Variants in VSTM4 observed in about 807,000 individuals in gnomAD.
The protein encoded by VSTM4 is V-set and transmembrane domain-containing protein 4.
Under a neutral mutation model 36.4 loss-of-function variants are expected in VSTM4, and 20 were observed. The ratio of observed to expected loss-of-function variants is 0.55; its 90% confidence interval spans 0.39 to 0.80. VSTM4 has a LOEUF of 0.80. Among genes scored for constraint, VSTM4 ranks in the 30% least tolerant of loss-of-function variants. The probability of loss-of-function intolerance (pLI) is 0.00; values close to 1 mark genes in which losing one functional copy is unlikely to be tolerated. For synonymous variants in VSTM4, 182 were observed against 173.9 expected, an observed-to-expected ratio of 1.05 and a Z score of -0.37; for missense variants, 392 against 404.5, an observed-to-expected ratio of 0.97 and a Z score of 0.26.
At chr10:49,115,150 C>A (rs1008110838) in intron 1 of VSTM4, among the ~76,000 whole-genome samples, 1 of 152,162 alleles carries the variant, frequency 6.6e-6, no homozygotes, top group South Asian at 2.1e-4. Context: ...CGGGGCCTGC[C>A]GCTGGGAAGA....
chr10:49,045,437 T>A (rs1009640532), intron 7 of VSTM4, among the ~76,000 whole-genome samples: 1 of 152,204 alleles, frequency 6.6e-6, no homozygotes, highest in Non-Finnish European at 1.5e-5. Flanking sequence ...TCACCCTTAG[T>A]GCACCATAGT....
intron 5 of VSTM4, among the ~76,000 whole-genome samples, chr10:49,053,154 C>T (rs1455834748): frequency 1.4e-4 from 22 of 152,174 alleles, no homozygotes. Flanking sequence ...GAAAACAGGC[C>T]CGCCCGGAAA....
chr10:49,020,802 A>G (rs1042418434), intron 7 of VSTM4, among the ~76,000 whole-genome samples: 3 of 151,864 alleles, frequency 2.0e-5, no homozygotes, highest in Non-Finnish European at 4.4e-5. Flanking sequence ...AGAGGGAGGA[A>G]GAGAGGATAT....
chr10:49,087,657 C>G (rs1341457034), intron 2 of VSTM4, among the ~76,000 whole-genome samples: 2 of 152,088 alleles, frequency 1.3e-5, no homozygotes, highest in African/African-American at 4.8e-5. Context: ...ACCACAACCT[C>G]CCAATTTTTA....
intron 2 of VSTM4, among the ~76,000 whole-genome samples, chr10:49,098,631 C>A (rs1844614785): frequency 6.6e-6 from 1 of 152,226 alleles, no homozygotes; most frequent in Non-Finnish European, 1.5e-5. Context: ...AAAGCCCTGG[C>A]ATGAGCTGCA....
chr10:49,067,316 T>C (rs986483645), intron 4 of VSTM4, among the ~76,000 whole-genome samples: 25 of 152,256 alleles, frequency 1.6e-4, no homozygotes, highest in Non-Finnish European at 3.7e-4. Context: ...GTCATTACTT[T>C]TATCTTACAG....
In VSTM4 at chr10:49,015,529, A is replaced by G. The variant is rs1843092171; in HGVS notation, c.*4121T>C. 1 of 152,306 alleles carries G rather than the reference A, an allele frequency of 6.6e-6. No homozygotes were observed. The highest frequency in any genetic ancestry group is 1.5e-5 in the Non-Finnish European group (1 of 68,138). 9.4% of individuals were successfully genotyped at this position (152,306 alleles called of 1,614,324 possible). A position where few individuals can be genotyped will look rare whatever the true frequency, so the allele number is the denominator to read the frequency against. On this transcript the variant is annotated 3_prime_UTR_variant, in exon 8 of 8. Transcript: ENST00000332853. ...GGACACCCCACAGCCACTCCAGCCC[A>G]GCATGGCCATGCTGAATGCAGACCC... is the stretch of plus-strand genomic sequence containing the variant.
Position 49,019,722 on chromosome 10 carries a change from G to T in VSTM4, c.891C>A (p.Pro297=). 3 of 1,614,038 alleles carry T rather than the reference G, an allele frequency of 1.9e-6. No homozygotes were observed. The highest frequency in any genetic ancestry group is 2.5e-6 in the Non-Finnish European group (3 of 1,179,966). The change falls in exon 8 of 8, where the codon CCC becomes CCA. Residue 297 remains proline, a synonymous_variant. Coordinates refer to ENST00000332853, the MANE Select transcript of VSTM4 (RefSeq NM_001031746.5). ...TGGGGGCGCCTTTGGCAGCCCGGTG[G>T]GGTTTGATCAGCTCCAGTTCGGCAT... The part of the protein sequence containing the change: ...LTYAELELIK[P]HRAAKGAPTS...
At chr10:49,082,428 C>A (rs1320885479) in intron 3 of VSTM4, among the ~76,000 whole-genome samples, 3 of 152,164 alleles carry the variant, frequency 2.0e-5, no homozygotes, top group Non-Finnish European at 2.9e-5. Flanking sequence ...CTGTGGGAGG[C>A]CGAGGCAGAC....
chr10:49,101,379 G>A (rs185067746), intron 2 of VSTM4, among the ~76,000 whole-genome samples: 75 of 152,078 alleles, frequency 4.9e-4, no homozygotes, highest in South Asian at 2.7e-3. Flanking sequence ...ACACACACAC[G>A]TACACATATA....
At chr10:49,020,320 T>TA (rs759293745) in intron 7 of VSTM4, among the ~76,000 whole-genome samples, 5 of 152,130 alleles carry the variant, frequency 3.3e-5, no homozygotes, top group Non-Finnish European at 7.4e-5. Flanking sequence ...CTGAAATACT[T>TA]ATGCTAAATA....
intron 7 of VSTM4, among the ~76,000 whole-genome samples, chr10:49,044,126 G>A (rs1312730895): frequency 1.3e-5 from 2 of 152,140 alleles, no homozygotes; most frequent in Admixed American, 6.6e-5. Flanking sequence ...CCATGAGCTC[G>A]AAACCAACCT....
Position 49,115,482 on chromosome 10 carries a change from G to A in VSTM4, c.4C>T (p.Arg2Trp), listed in dbSNP as rs1034599133. The A allele has an allele frequency of 5.9e-6, 6 of 1,018,632 alleles. No individual in the cohort carries two copies. Among genetic ancestry groups the A allele is most frequent in the South Asian group, 3.6e-5 (1 of 28,126 alleles). 63.1% of individuals were successfully genotyped at this position (1,018,632 alleles called of 1,614,324 possible). M[R>W]LLALAAAALL... ...GCGGCCGCCGCCAGTGCCAGCAGCC[G>A]CATCTCCCCGCCGCCGCCCGGCGCT... Residue 2 changes from arginine (R) to tryptophan (W), a missense_variant, in exon 1 of 8, where the codon CGG becomes TGG. By Grantham distance (101) the Arg-to-Trp change is moderately radical. Transcript: ENST00000332853.
At chr10:49,046,927 T>TG in intron 7 of VSTM4, 56 bp downstream of exon 7, 3 of 1,548,558 alleles carry the variant, frequency 1.9e-6, no homozygotes, top group Non-Finnish European at 2.7e-6. Flanking sequence ...TGTTTTGGAA[T>TG]CTGAGTTGTG....
At chr10:49,106,509 A>C (rs902982697) in intron 2 of VSTM4, among the ~76,000 whole-genome samples, 2 of 152,246 alleles carry the variant, frequency 1.3e-5, no homozygotes, top group Non-Finnish European at 2.9e-5. Context: ...AATGCTGTCC[A>C]TCCCTCCTAT....
chr10:49,086,052 A>T, intron 2 of VSTM4, 29 bp from the exon 3 acceptor site: 2 of 1,480,706 alleles, frequency 1.4e-6, no homozygotes, highest in Non-Finnish European at 1.8e-6. Flanking sequence ...ACAGCACAGT[A>T]TGAAAAAATA....
chr10:49,086,140 T>G, intron 2 of VSTM4, 117 bp from the exon 3 acceptor site: 2 of 618,380 alleles, frequency 3.2e-6, no homozygotes. Context: ...TTGTCAAAAC[T>G]CACATGTTAG....
intron 5 of VSTM4, among the ~76,000 whole-genome samples, chr10:49,049,862 T>A (rs1843671072): frequency 6.6e-6 from 1 of 152,194 alleles, no homozygotes; most frequent in African/African-American, 2.4e-5. Context: ...GGCAGCAGCG[T>A]GATCTTTCCT....
chr10:49,051,470 A>C (rs1843697439), intron 5 of VSTM4, among the ~76,000 whole-genome samples: 1 of 144,456 alleles, frequency 6.9e-6, no homozygotes, highest in Admixed American at 7.3e-5. Flanking sequence ...ATGTCAGCTC[A>C]CTGCAACCTC....
Sources: allele counts gnomAD v4.1 joint callset (sites outside exome capture counted in the v4.1 genomes callset), GRCh38; gene constraint gnomAD v4.1.1; transcripts MANE v1.5; gene names NCBI Gene and HGNC (gene_info 2026-07-23, HGNC 2026-07-21).